The following VWA8 variants were observed in gnomAD, a reference collection of about 807,000 sequenced individuals.
The protein encoded by VWA8 is von Willebrand factor A domain-containing protein 8.
A neutral mutation model predicts 241.5 loss-of-function variants in VWA8; 221 were observed. The observed-to-expected ratio is 0.91, with a 90% CI of 0.82 to 1.02. The LOEUF is 1.02. VWA8 is among the 50% of genes least tolerant of loss of function. VWA8 has a pLI of 0.00. For missense variants in VWA8, 2,322 were observed against 2,328.7 expected, an observed-to-expected ratio of 1.00 and a Z score of 0.06; for synonymous variants, 852 against 827.1, an observed-to-expected ratio of 1.03 and a Z score of -0.52.
At position 41,868,493 on chromosome 13, in the gene VWA8, A is replaced by G; in HGVS notation, c.1081-16T>C. ...GTTCAAAGCGCTGTAAAATTACAAG[A>G]AAATCATGCAATTTACTTTTCATTT... On this transcript the variant is annotated splice_polypyrimidine_tract_variant and intron_variant, in intron 9 of 44. Coordinates refer to ENST00000379310, the MANE Select transcript of VWA8 (RefSeq NM_015058.2). The G allele has an allele frequency of 6.2e-7, 1 of 1,605,932 alleles. No homozygotes were observed.
chr13:41,870,373 T>A (rs1177681366), intron 9 of VWA8, among the ~76,000 whole-genome samples: 1 of 152,168 alleles, frequency 6.6e-6, no homozygotes, highest in Non-Finnish European at 1.5e-5. Context: ...GCGCAAAGGC[T>A]AATGCCTATA....
chr13:41,785,521 T>C (rs1372851534), intron 18 of VWA8, among the ~76,000 whole-genome samples: 2 of 152,136 alleles, frequency 1.3e-5, no homozygotes, highest in African/African-American at 4.8e-5. Context: ...ACTTTTGTGC[T>C]AAGCGTTTTG....
chr13:41,643,264 A>G (rs1189263411), intron 37 of VWA8, among the ~76,000 whole-genome samples: 3 of 152,218 alleles, frequency 2.0e-5, no homozygotes, highest in South Asian at 2.1e-4. Flanking sequence ...GCATGAACCT[A>G]TATTTTGGTT....
chr13:41,927,981 C>T lies in VWA8; in HGVS notation c.242-15813G>A, dbSNP rs187222067. ...CTAATATCTAATAAAATAGACTTCA[C>T]GTCAAATTCTGTCACAAGAGACAAA... On this transcript the variant is annotated intron_variant, in intron 2 of 44. Coordinates refer to ENST00000379310, the MANE Select transcript of VWA8 (RefSeq NM_015058.2). 3.7e-3 allele frequency among the ~76,000 whole-genome samples: 559 copies of T among 152,140 alleles called. 5 individuals carry two copies. The highest frequency in any genetic ancestry group is 6.8e-3 in the Middle Eastern group (2 of 294).
rs551556434 is a variant in VWA8 at position 41,904,315 on chromosome 13, T to C, written c.483+3271A>G. ...TTTTCTCTTCCTTACTATTTGCAAATTATAAAATTCATTTTAAAAATATAT... is the reference window on the plus strand; with the variant it reads ...TTTTCTCTTCCTTACTATTTGCAAACTATAAAATTCATTTTAAAAATATAT... On this transcript the variant is annotated intron_variant, in intron 4 of 44. Transcript: ENST00000379310. Among the ~76,000 whole-genome samples, 258 of 152,246 alleles carry C rather than the reference T, an allele frequency of 1.7e-3. 2 individuals are homozygous for C. The highest frequency in any genetic ancestry group is 5.7e-3 in the African/African-American group (237 of 41,542).
chr13:41,646,355 T>C (rs895960211), intron 37 of VWA8, among the ~76,000 whole-genome samples: 2 of 152,242 alleles, frequency 1.3e-5, no homozygotes, highest in Non-Finnish European at 2.9e-5. Flanking sequence ...TGAGTAATGA[T>C]GATGAGTGAC....
chr13:41,886,158 G>A (rs1874524187), intron 7 of VWA8, 130 bp from the exon 8 acceptor site: 3 of 644,322 alleles, frequency 4.7e-6, no homozygotes, highest in Non-Finnish European at 7.8e-6. Context: ...AAGGAACAAT[G>A]GTTCCGCATC....
intron 2 of VWA8, chr13:41,925,510 G>C (rs969450929): frequency 2.0e-5 from 3 of 152,908 alleles, no homozygotes; most frequent in African/African-American, 7.2e-5. Flanking sequence ...TAAAAGTCTA[G>C]AGTTTTTGTA....
chr13:41,756,069 C>T (rs889431843), intron 21 of VWA8, among the ~76,000 whole-genome samples: 12 of 151,578 alleles, frequency 7.9e-5, no homozygotes, highest in South Asian at 4.2e-4. Flanking sequence ...TAATAAACCC[C>T]TGACAAAACT....
intron 1 of VWA8, among the ~76,000 whole-genome samples, chr13:41,951,239 A>G (rs1878122541): frequency 1.3e-5 from 2 of 151,972 alleles, no homozygotes; most frequent in African/African-American, 4.8e-5. Flanking sequence ...CAACATGGTA[A>G]AACCCCGTCT....
In VWA8 at chr13:41,831,816, C is replaced by T. The variant is rs138411171; in HGVS notation, c.1587-1174G>A. Among the ~76,000 whole-genome samples the T allele has an allele frequency of 8.2e-3, 1,240 of 151,806 alleles. 15 individuals carry two copies. The highest frequency in any genetic ancestry group is 0.029 in the African/African-American group (1,187 of 41,394). ...TGTACTTTTAATAGAGACGGGGTTT[C>T]ACCATGTTGACGAGGCTGGTCTCAA... On this transcript the variant is annotated intron_variant, in intron 13 of 44. Coordinates refer to ENST00000379310, the MANE Select transcript of VWA8 (RefSeq NM_015058.2).
chr13:41,701,781 G>A (rs1008031684), intron 27 of VWA8, among the ~76,000 whole-genome samples: 2 of 152,272 alleles, frequency 1.3e-5, no homozygotes, highest in Admixed American at 1.3e-4. Flanking sequence ...TATACCAGAT[G>A]TAAAATCCTA....
chr13:41,847,087 TA>T (rs1422304160), intron 12 of VWA8, among the ~76,000 whole-genome samples: 3 of 152,042 alleles, frequency 2.0e-5, no homozygotes, highest in Non-Finnish European at 4.4e-5. Context: ...ATATTGAATA[TA>T]TATATGAAGA....
chr13:41,573,482 A>ATATATATATATATATATATATAT (rs1391223657), intron 43 of VWA8, among the ~76,000 whole-genome samples: 2 of 114,628 alleles, frequency 1.7e-5, no homozygotes, highest in Admixed American at 9.2e-5. Context: ...TTTAAAAAAA[A>ATATATATATATATATATATATAT]AAAAATATAT....
At chr13:41,731,718 G>A (rs1460325542) in intron 22 of VWA8, among the ~76,000 whole-genome samples, 1 of 152,058 alleles carries the variant, frequency 6.6e-6, no homozygotes, top group Non-Finnish European at 1.5e-5. Flanking sequence ...GACCCGGTGG[G>A]AGATAACTGA....
intron 2 of VWA8, among the ~76,000 whole-genome samples, chr13:41,939,699 C>T (rs1040514719): frequency 6.6e-6 from 1 of 152,150 alleles, no homozygotes; most frequent in African/African-American, 2.4e-5. Flanking sequence ...TGAGATAATA[C>T]TGCTTTTGTG....
chr13:41,643,453 A>C (rs2044809916), intron 37 of VWA8, among the ~76,000 whole-genome samples: 1 of 152,212 alleles, frequency 6.6e-6, no homozygotes, highest in South Asian at 2.1e-4. Context: ...GATCCTCAAT[A>C]AATAGTTGTC....
At chr13:41,614,822 G>C (rs1225371618) in intron 38 of VWA8, among the ~76,000 whole-genome samples, 154 bp downstream of exon 38, 1 of 152,112 alleles carries the variant, frequency 6.6e-6, no homozygotes, top group Non-Finnish European at 1.5e-5. Context: ...TTGATGTCAC[G>C]CTGGGGCAGA....
At chr13:41,673,103 T>C (rs1218534919) in intron 36 of VWA8, among the ~76,000 whole-genome samples, 2 of 152,226 alleles carry the variant, frequency 1.3e-5, no homozygotes, top group East Asian at 3.8e-4. Context: ...ATGTTTTCCT[T>C]ATAAATAATA....
Sources: gnomAD v4.1 joint callset for allele counts (sites outside exome capture counted in the v4.1 genomes callset) on GRCh38, gnomAD v4.1.1 for gene constraint, MANE v1.5 for transcripts, NCBI Gene and HGNC (gene_info 2026-07-23, HGNC 2026-07-21) for gene names.